The following KCNH8 variants were observed in gnomAD, a reference collection of about 807,000 sequenced individuals.
KCNH8 encodes the protein potassium voltage-gated channel subfamily H member 8.
Under a neutral mutation model 103.6 loss-of-function variants are expected in KCNH8, and 70 were observed. The ratio of observed to expected loss-of-function variants is 0.68; its 90% confidence interval spans 0.56 to 0.82. KCNH8 has a LOEUF of 0.82. Among genes scored for constraint, KCNH8 ranks in the 40% least tolerant of loss-of-function variants. The pLI, the probability that KCNH8 is intolerant of heterozygous loss-of-function variation, is 0.00. For missense variants in KCNH8, 1,217 were observed against 1,329.9 expected, an observed-to-expected ratio of 0.92 and a Z score of 1.32; for synonymous variants, 498 against 489.4, an observed-to-expected ratio of 1.02 and a Z score of -0.23.
intron 11 of KCNH8, among the ~76,000 whole-genome samples, chr3:19,462,516 A>C (rs1027121708): frequency 6.6e-6 from 1 of 152,060 alleles, no homozygotes; most frequent in African/African-American, 2.4e-5. Context: ...AATTTGTTTA[A>C]GTTCTTTGTA....
chr3:19,527,582 G>A (rs1218449433), intron 15 of KCNH8, among the ~76,000 whole-genome samples: 2 of 152,030 alleles, frequency 1.3e-5, no homozygotes, highest in Non-Finnish European at 2.9e-5. Flanking sequence ...GAGTAAACCA[G>A]ATACTCCGGA....
chr3:19,484,186 T>C (rs1234229424), intron 11 of KCNH8, among the ~76,000 whole-genome samples: 1 of 152,204 alleles, frequency 6.6e-6, no homozygotes, highest in African/African-American at 2.4e-5. Context: ...TTTTAAAAAC[T>C]GTGGACATGG....
Position 19,253,834 on chromosome 3 carries a change from C to T in KCNH8, c.257C>T (p.Ser86Leu). 1 of 1,613,760 alleles carries T rather than the reference C, an allele frequency of 6.2e-7. No individual in the cohort carries two copies. Among genetic ancestry groups the T allele is most frequent in the Non-Finnish European group, 8.5e-7 (1 of 1,179,830 alleles). Reference sequence around the variant, plus strand: ...CAACTGATGCTTCAAATAGAAAAGTCACTGGAGGAGAAAACAGAATTCAAA... The same window carrying T: ...CAACTGATGCTTCAAATAGAAAAGTTACTGGAGGAGAAAACAGAATTCAAA... ...NEQLMLQIEKSLEEKTEFKGE... is the reference protein window; with the variant it reads ...NEQLMLQIEKLLEEKTEFKGE... The change falls in exon 2 of 16, where the codon TCA becomes TTA. Residue 86 changes from serine to leucine, a missense_variant. Coordinates refer to ENST00000328405, the MANE Select transcript of KCNH8 (RefSeq NM_144633.3).
chr3:19,409,421 G>T (rs558987276), intron 7 of KCNH8, among the ~76,000 whole-genome samples: 42 of 152,184 alleles, frequency 2.8e-4, no homozygotes, highest in African/African-American at 9.6e-4. Flanking sequence ...ACACACTGAA[G>T]TATACAGCTC....
rs557289110 is a variant in KCNH8, at chr3:19,239,331, C to A, written c.77-14323C>A. Among the ~76,000 whole-genome samples, 14 of 152,224 alleles carry A rather than the reference C, an allele frequency of 9.2e-5. No homozygotes were observed. The East Asian group carries it at 2.3e-3, about 25-fold the overall frequency. On this transcript the variant is annotated intron_variant, in intron 1 of 15. Transcript: ENST00000328405. The stretch of plus-strand genomic sequence containing the variant: ...AGTCCTGGACACCACAATCACATTA[C>A]CAGGCATGGATGAGGGGCAGAAAAG...
At chr3:19,517,445 T>C (rs1208100274) in intron 14 of KCNH8, among the ~76,000 whole-genome samples, 1 of 151,886 alleles carries the variant, frequency 6.6e-6, no homozygotes, top group Non-Finnish European at 1.5e-5. Context: ...GAAATAAATA[T>C]ATTTGGAAGA....
Position 19,376,437 on chromosome 3 carries a change from A to T in KCNH8, c.812-14044A>T, listed in dbSNP as rs191054672. ...CCCCTTGCGCTTCCCGAGTGAGGCA[A>T]TGCCTCTCCCTGCTTCGGCTCATGC... On this transcript the variant is annotated intron_variant, in intron 5 of 15. Coordinates refer to ENST00000328405, the MANE Select transcript of KCNH8 (RefSeq NM_144633.3). 3.3e-5 allele frequency among the ~76,000 whole-genome samples: 5 copies of T among 152,080 alleles called. No homozygotes were observed. The South Asian group carries it at 8.3e-4, about 25-fold the overall frequency.
At chr3:19,452,577 G>A (rs1384300962) in intron 10 of KCNH8, among the ~76,000 whole-genome samples, 1 of 152,204 alleles carries the variant, frequency 6.6e-6, no homozygotes, top group East Asian at 1.9e-4. Context: ...TGGTAGTAAT[G>A]ATGGTGAGAG....
At chr3:19,234,601 C>T (rs747146152) in intron 1 of KCNH8, among the ~76,000 whole-genome samples, 1 of 148,096 alleles carries the variant, frequency 6.8e-6, no homozygotes, top group Admixed American at 6.7e-5. Context: ...TCCGCAGGCC[C>T]GGTTCCCGCC....
chr3:19,516,162 C>T (rs1440716080), intron 14 of KCNH8, among the ~76,000 whole-genome samples: 2 of 152,088 alleles, frequency 1.3e-5, no homozygotes, highest in African/African-American at 4.8e-5. Context: ...GGCCAGCAAT[C>T]CTCACCCAAC....
At chr3:19,419,977 T>G (rs963918708) in intron 7 of KCNH8, among the ~76,000 whole-genome samples, 4 of 152,214 alleles carry the variant, frequency 2.6e-5, no homozygotes, top group African/African-American at 9.6e-5. Context: ...AAATGTCATA[T>G]GACAATTTTT....
intron 12 of KCNH8, among the ~76,000 whole-genome samples, chr3:19,510,727 A>G (rs1317939048): frequency 6.6e-6 from 1 of 152,216 alleles, no homozygotes; most frequent in Non-Finnish European, 1.5e-5. Flanking sequence ...GTAAGTGTCC[A>G]TAATGCTAAA....
intron 7 of KCNH8, 82 bp from the exon 8 acceptor site, chr3:19,438,082 T>A: frequency 9.2e-7 from 1 of 1,081,854 alleles, no homozygotes. Flanking sequence ...CCTCCCCAAA[T>A]GTTCATTTAT....
At chr3:19,481,012 A>G (rs768040597) in intron 11 of KCNH8, among the ~76,000 whole-genome samples, 14 of 152,172 alleles carry the variant, frequency 9.2e-5, no homozygotes, top group Non-Finnish European at 1.6e-4. Flanking sequence ...ATAAGGTTAT[A>G]AAGCCTTCCT....
At chr3:19,262,245 T>C (rs1274216695) in intron 2 of KCNH8, among the ~76,000 whole-genome samples, 1 of 152,056 alleles carries the variant, frequency 6.6e-6, no homozygotes, top group East Asian at 1.9e-4. Context: ...GAGCATGGAC[T>C]ATCTTTCCAT....
intron 11 of KCNH8, among the ~76,000 whole-genome samples, chr3:19,496,405 T>C (rs7650681): frequency 1 from 152,255 of 152,316 alleles, 76,097 homozygotes; most frequent in Middle Eastern, 1. Context: ...TAACATGAAG[T>C]GATGTTGAAT....
intron 15 of KCNH8, among the ~76,000 whole-genome samples, chr3:19,522,159 A>C (rs528317687): frequency 7.1e-4 from 108 of 152,040 alleles, no homozygotes; most frequent in African/African-American, 2.4e-3. Flanking sequence ...AAAATGTGTA[A>C]CATGCCTAAA....
At chr3:19,239,030 T>G (rs2064100936) in intron 1 of KCNH8, among the ~76,000 whole-genome samples, 1 of 152,206 alleles carries the variant, frequency 6.6e-6, no homozygotes, top group African/African-American at 2.4e-5. Context: ...ACATCACGAT[T>G]CAAATTGTAG....
At chr3:19,167,774 A>G (rs2063300106) in intron 1 of KCNH8, among the ~76,000 whole-genome samples, 2 of 152,212 alleles carry the variant, frequency 1.3e-5, no homozygotes, top group East Asian at 1.9e-4. Flanking sequence ...AGGGTATTCA[A>G]CTATAACACA....
Sources: allele counts gnomAD v4.1 joint callset (sites outside exome capture counted in the v4.1 genomes callset), GRCh38; gene constraint gnomAD v4.1.1; transcripts MANE v1.5; gene names NCBI Gene and HGNC (gene_info 2026-07-23, HGNC 2026-07-21).